The following NOSIP variants were observed in gnomAD, a reference collection of about 807,000 sequenced individuals.
NOSIP encodes nitric oxide synthase-interacting protein.
NOSIP carries 25 observed loss-of-function variants against 36.4 expected under a neutral mutation model. The ratio of observed to expected loss-of-function variants is 0.69; its 90% CI spans 0.50 to 0.96. NOSIP has a LOEUF of 0.96. NOSIP is among the 40% of genes least tolerant of loss of function. NOSIP has a pLI of 0.00. For synonymous variants in NOSIP, 187 were observed against 179.2 expected (o/e 1.04, Z -0.35); for missense variants, 370 against 429.0 (o/e 0.86, Z 1.21).
In NOSIP at chr19:49,580,549, T is replaced by C. The variant is rs1402351929; in HGVS notation, c.-36A>G. 1 of 152,112 alleles carries C rather than the reference T, an allele frequency of 6.6e-6. No homozygotes were observed. The highest frequency in any genetic ancestry group is 1.5e-5 in the Non-Finnish European group (1 of 68,064). 9.4% of individuals were successfully genotyped at this position (152,112 alleles called of 1,614,324 possible). On this transcript the variant is annotated 5_prime_UTR_variant, in exon 1 of 9. Transcript: ENST00000596358. ...GACTCCCAGTCCCTCGGTCGCTTCT[T>C]CAACTGTGCCCCGACACCGGAAAGG... is the stretch of plus-strand genomic sequence containing the variant.
At chr19:49,562,910 A>C (rs1472401114) in intron 1 of NOSIP, among the ~76,000 whole-genome samples, 1 of 152,148 alleles carries the variant, frequency 6.6e-6, no homozygotes, top group Non-Finnish European at 1.5e-5. Flanking sequence ...AAGATCTAGT[A>C]ACATTATATA....
chr19:49,576,820 G>A (rs2080559033), intron 1 of NOSIP, among the ~76,000 whole-genome samples: 1 of 147,362 alleles, frequency 6.8e-6, no homozygotes, highest in African/African-American at 2.5e-5. Flanking sequence ...GGAGGCGAAG[G>A]TCGTGATGAG....
Position 49,557,146 on chromosome 19 carries a change from A to AT in NOSIP, c.361dup (p.Ile121AsnfsTer21). On this transcript the variant is annotated frameshift_variant, in exon 5 of 9. Coordinates refer to ENST00000596358, the MANE Select transcript of NOSIP (RefSeq NM_001270960.2). LOFTEE classifies it high-confidence loss of function. Reference sequence around the variant, plus strand: ...GAAAGGGTTGAGGGGCCGGCTCACGATAGCCGACTCCTTCTCCAGGAAGCC... The same window carrying AT: ...GAAAGGGTTGAGGGGCCGGCTCACGATTAGCCGACTCCTTCTCCAGGAAGCC... The AT allele has an allele frequency of 6.2e-7, 1 of 1,612,420 alleles. No individual in the cohort carries two copies. Among genetic ancestry groups the AT allele is most frequent in the Non-Finnish European group, 8.5e-7 (1 of 1,179,460 alleles).
At chr19:49,571,681 C>T (rs2080485833) in intron 1 of NOSIP, among the ~76,000 whole-genome samples, 1 of 151,996 alleles carries the variant, frequency 6.6e-6, no homozygotes, top group African/African-American at 2.4e-5. Context: ...AGGAAAGTCA[C>T]AATCTCAGAA....
Position 49,558,997 on chromosome 19 carries a change from A to T in NOSIP, c.177-19T>A. The stretch of plus-strand genomic sequence containing the variant: ...ATCTGGGCTGCAAAGACAGGGTGCA[A>T]TGAGAAAGAAAGAAAGTGATCCTCC... On this transcript the variant is annotated intron_variant, in intron 3 of 8. Transcript: ENST00000596358. The T allele has an allele frequency of 6.2e-7, 1 of 1,605,662 alleles. No homozygotes were observed. Among genetic ancestry groups the T allele is most frequent in the Non-Finnish European group, 8.5e-7 (1 of 1,173,578 alleles).
chr19:49,567,614 C>A (rs1049788814), intron 1 of NOSIP, among the ~76,000 whole-genome samples: 1 of 152,142 alleles, frequency 6.6e-6, no homozygotes, highest in Non-Finnish European at 1.5e-5. Context: ...CAGTGAGAGA[C>A]TGGGAGAAGA....
intron 1 of NOSIP, among the ~76,000 whole-genome samples, chr19:49,580,265 G>C (rs1167749125): frequency 1.3e-5 from 2 of 151,468 alleles, no homozygotes; most frequent in Non-Finnish European, 2.9e-5. Context: ...GCCGATGCTA[G>C]CTACCACTTG....
At chr19:49,561,349 C>T in intron 1 of NOSIP, among the ~76,000 whole-genome samples, 1 of 152,288 alleles carries the variant, frequency 6.6e-6, no homozygotes, top group African/African-American at 2.4e-5. Context: ...GACCCCAGAA[C>T]CCTGGAGCTC....
chr19:49,557,566 G>A (rs1277051160), intron 4 of NOSIP: 2 of 1,226,050 alleles, frequency 1.6e-6, no homozygotes, highest in Non-Finnish European at 2.1e-6. Context: ...GGTTACATAA[G>A]GTGAGTGTTT....
chr19:49,571,137 ATTTTTTTT>A (rs60637720), intron 1 of NOSIP, among the ~76,000 whole-genome samples: 2 of 131,362 alleles, frequency 1.5e-5, no homozygotes. Context: ...CGCCCAGCTA[ATTTTTTTT>A]TTTTTTTTTT....
At chr19:49,566,814 T>C (rs1278832506) in intron 1 of NOSIP, 1 of 145,680 alleles carries the variant, frequency 6.9e-6, no homozygotes, top group African/African-American at 2.8e-5. Context: ...TATACACACA[T>C]ACTATTTTTT....
At position 49,560,751 on chromosome 19, in the gene NOSIP, G is replaced by GACCT; in HGVS notation, c.-1-63_-1-60dup. 5 of 1,276,634 alleles carry GACCT rather than the reference G, an allele frequency of 3.9e-6. No homozygotes were observed. The highest frequency in any genetic ancestry group is 5.6e-6 in the Non-Finnish European group (5 of 896,370). 79.1% of individuals were successfully genotyped at this position (1,276,634 alleles called of 1,614,324 possible). A position where few individuals can be genotyped will look rare whatever the true frequency, so the allele number is the denominator to read the frequency against. On this transcript the variant is annotated intron_variant, in intron 1 of 8. Coordinates refer to ENST00000596358, the MANE Select transcript of NOSIP (RefSeq NM_001270960.2). The surrounding 1 kb of genome is among the most constrained non-coding windows in gnomAD (Gnocchi z 4.6). ...TACCGGAGGCAGGCAGCACAGGGAAGACCTCTGCAGCCCTCAGAGCTGATC... is the reference window on the plus strand; with the variant it reads ...TACCGGAGGCAGGCAGCACAGGGAAGACCTACCTCTGCAGCCCTCAGAGCTGATC...
intron 1 of NOSIP, among the ~76,000 whole-genome samples, chr19:49,562,844 C>T (rs2080353576): frequency 6.6e-6 from 1 of 152,144 alleles, no homozygotes; most frequent in Non-Finnish European, 1.5e-5. Context: ...TGCACCACTA[C>T]ACTCCAGCCT....
Position 49,560,775 on chromosome 19 carries a change from T to C in NOSIP, c.-1-83A>G, listed in dbSNP as rs2080322853. 2 of 1,041,930 alleles carry C rather than the reference T, an allele frequency of 1.9e-6. No homozygotes were observed. Among genetic ancestry groups the C allele is most frequent in the Admixed American group, 2.0e-5 (1 of 49,722 alleles). The allele number at this position is 1,041,930 out of a possible 1,614,324, so 64.5% of individuals were successfully genotyped here. On this transcript the variant is annotated intron_variant, in intron 1 of 8. Transcript: ENST00000596358. This position sits in a 1 kb window ranked among gnomAD's most constrained non-coding sequence, Gnocchi z 4.6. Reference sequence around the variant, plus strand: ...AGACCTCTGCAGCCCTCAGAGCTGATCTGCCCCCCTTGATGGGAAAGCGGA... The same window carrying C: ...AGACCTCTGCAGCCCTCAGAGCTGACCTGCCCCCCTTGATGGGAAAGCGGA...
At chr19:49,557,451 CTG>C in intron 4 of NOSIP, 1 of 1,416,104 alleles carries the variant, frequency 7.1e-7, no homozygotes, top group Non-Finnish European at 9.2e-7. Context: ...AAGCCCATCT[CTG>C]TCACTCTGTG....
At chr19:49,576,884 C>CAAAAAAAA (rs58441193) in intron 1 of NOSIP, among the ~76,000 whole-genome samples, 1 of 47,380 alleles carries the variant, frequency 2.1e-5, no homozygotes, top group African/African-American at 6.1e-5. Flanking sequence ...AACTCTGTCT[C>CAAAAAAAA]AAAAAAAAAA....
intron 1 of NOSIP, among the ~76,000 whole-genome samples, chr19:49,569,447 C>A (rs2080456776): frequency 6.8e-6 from 1 of 147,640 alleles, no homozygotes; most frequent in Non-Finnish European, 1.5e-5. Context: ...ATCTGCCCGC[C>A]TCGGCCTTCC....
At chr19:49,567,812 T>C (rs982060501) in intron 1 of NOSIP, among the ~76,000 whole-genome samples, 4 of 152,018 alleles carry the variant, frequency 2.6e-5, no homozygotes, top group African/African-American at 9.7e-5. Flanking sequence ...GCTGAGATGA[T>C]AGGTGTCTGC....
chr19:49,560,594 C>A lies in NOSIP; in HGVS notation c.70+28G>T. 6.5e-7 allele frequency: 1 copy of A among 1,549,078 alleles called. No homozygotes were observed. The highest frequency in any genetic ancestry group is 2.4e-5 in the East Asian group (1 of 42,284). ...GGGTGACTCCAAGACACAGCCATGT[C>A]CCGCCTCTTCCCACCCCAGCCCTGC... On this transcript the variant is annotated intron_variant, in intron 2 of 8. Coordinates refer to ENST00000596358, the MANE Select transcript of NOSIP (RefSeq NM_001270960.2). The surrounding 1 kb of genome is among the most constrained non-coding windows in gnomAD (Gnocchi z 4.6).
Sources: allele counts gnomAD v4.1 joint callset (sites outside exome capture counted in the v4.1 genomes callset), GRCh38; gene constraint gnomAD v4.1.1; non-coding constraint Gnocchi (gnomAD v3.1); transcripts MANE v1.5; gene names NCBI Gene and HGNC (gene_info 2026-07-23, HGNC 2026-07-21).